SOX11: variants seen among roughly 807,000 people sequenced by gnomAD.
SOX11 encodes the protein transcription factor SOX-11.
In SOX11, 5 loss-of-function variants were observed where a neutral mutation model predicts 16.7. That is an observed-to-expected ratio of 0.30 (90% CI 0.16 to 0.63). The LOEUF is 0.63. Ranked by LOEUF, SOX11 falls within the 20% of genes least tolerant of loss-of-function variation. The pLI is 0.82. For missense variants in SOX11, 492 were observed against 641.5 expected, an observed-to-expected ratio of 0.77 and a Z score of 2.52; for synonymous variants, 363 against 298.8, an observed-to-expected ratio of 1.21 and a Z score of -2.22.
In SOX11 at chr2:5,693,240, C is replaced by A; in HGVS notation, c.519C>A (p.Pro173=). The A allele has an allele frequency of 7.2e-7, 1 of 1,385,064 alleles. No homozygotes were observed. The highest frequency in any genetic ancestry group is 3.8e-5 in the Admixed American group (1 of 26,662). The allele number at this position is 1,385,064 out of a possible 1,614,324, so 85.8% of individuals were successfully genotyped here. A position where few individuals can be genotyped will look rare whatever the true frequency, so the allele number is the denominator to read the frequency against. ...SSKKCGKLKA[P]AAAGAKAGAG... is the part of the protein sequence containing the mutation. ...AGAAATGCGGCAAGCTCAAGGCCCC[C>A]GCGGCCGCGGGCGCCAAGGCGGGCG... Residue 173 remains proline (P), a synonymous_variant, in exon 1 of 1, where the codon CCC becomes CCA. Transcript: ENST00000322002. This position sits in a 1 kb window ranked among gnomAD's most constrained non-coding sequence, Gnocchi z 8.6.
rs766171286 is a variant in SOX11 at position 5,693,717 on chromosome 2, G to T, written c.996G>T (p.Ser332=). Residue 332 remains serine, a synonymous_variant, in exon 1 of 1, where the codon TCG becomes TCT. Transcript: ENST00000322002. This position sits in a 1 kb window ranked among gnomAD's most constrained non-coding sequence, Gnocchi z 8.6. ...CGCCGCTCGCGCAGCCCGCGCTGTC[G>T]CCCGCGTCCTCGCGCTCGGTGTCCA... is the stretch of plus-strand genomic sequence containing the variant. ...HPPPLAQPAL[S]PASSRSVSTS... 9 of 1,599,112 alleles carry T rather than the reference G, an allele frequency of 5.6e-6. No individual in the cohort carries two copies. Among genetic ancestry groups the T allele is most frequent in the Non-Finnish European group, 6.8e-6 (8 of 1,176,890 alleles).
chr2:5,693,904 G>T lies in SOX11; in HGVS notation c.1183G>T (p.Val395Leu). 6.4e-7 allele frequency: 1 copy of T among 1,551,560 alleles called. No homozygotes were observed. Among genetic ancestry groups the T allele is most frequent in the Non-Finnish European group, 8.7e-7 (1 of 1,147,008 alleles). Residue 395 changes from valine (V) to leucine (L), a missense_variant, in exon 1 of 1, where the codon GTG (valine) becomes TTG (leucine). Transcript: ENST00000322002. This position sits in a 1 kb window ranked among gnomAD's most constrained non-coding sequence, Gnocchi z 8.6. ...AAAGNLSLSL[V>L]DKDLDSFSEG... is the part of the protein sequence containing the mutation. ...GGCCGGGAACCTGTCCCTGTCGCTG[G>T]TGGATAAGGATTTGGATTCGTTCAG...
chr2:5,693,106 T>G lies in SOX11; in HGVS notation c.385T>G (p.Ser129Ala). The change falls in exon 1 of 1, where the codon TCG becomes GCG. Residue 129 changes from serine (S) to alanine (A), a missense_variant. Physicochemically the swap from Ser to Ala is moderately conservative, Grantham distance 99 (BLOSUM62 1). This residue lies in a region of SOX11 where 389 missense variants were observed against 389.0 expected (regional missense o/e 1.00). Coordinates refer to ENST00000322002, the MANE Select transcript of SOX11 (RefSeq NM_003108.4). The surrounding 1 kb of genome is among the most constrained non-coding windows in gnomAD (Gnocchi z 8.6). ...CCGGAAAAAGCCCAAAATGGACCCC[T>G]CGGCCAAGCCCAGCGCCAGCCAGAG... ...RPRKKPKMDP[S>A]AKPSASQSPE... is the part of the protein sequence containing the mutation. 6.2e-7 allele frequency: 1 copy of G among 1,613,050 alleles called. No individual in the cohort carries two copies. Among genetic ancestry groups the G allele is most frequent in the East Asian group, 2.2e-5 (1 of 44,808 alleles).
At position 5,693,405 on chromosome 2, in the gene SOX11, C is replaced by G. The variant is rs764724459; in HGVS notation, c.684C>G (p.Asp228Glu). ...TGTTTCTGGATGAGGACGACGACGA[C>G]GACGACGACGACGACGAGCTGCAGC... is the stretch of plus-strand genomic sequence containing the variant. The part of the protein sequence containing the change: ...KCVFLDEDDD[D>E]DDDDDELQLQ... Residue 228 changes from aspartate (D) to glutamate (E), a missense_variant, in exon 1 of 1, where the codon GAC (aspartate) becomes GAG (glutamate). Coordinates refer to ENST00000322002, the MANE Select transcript of SOX11 (RefSeq NM_003108.4). This position sits in a 1 kb window ranked among gnomAD's most constrained non-coding sequence, Gnocchi z 8.6. 7 of 1,589,438 alleles carry G rather than the reference C, an allele frequency of 4.4e-6. No homozygotes were observed. The South Asian group carries it at 6.7e-5, about 15-fold the overall frequency.
In SOX11 at chr2:5,698,319, A is replaced by T. The variant is rs1264012000; in HGVS notation, c.*4272A>T. The T allele has an allele frequency of 6.0e-6, 1 of 167,036 alleles. No homozygotes were observed. Among genetic ancestry groups the T allele is most frequent in the African/African-American group, 2.4e-5 (1 of 41,432 alleles). 10.3% of individuals were successfully genotyped at this position (167,036 alleles called of 1,614,324 possible). A position where few individuals can be genotyped will look rare whatever the true frequency, so the allele number is the denominator to read the frequency against. On this transcript the variant is annotated 3_prime_UTR_variant, in exon 1 of 1. Transcript: ENST00000322002. The stretch of plus-strand genomic sequence containing the variant: ...TCTTAAGTAAGTCTTATTTTTAACT[A>T]AGCATTGACAGAATATCTTAAAATG...
Position 5,693,897 on chromosome 2 carries a change from G to A in SOX11, c.1176G>A (p.Leu392=), listed in dbSNP as rs1369221162. The A allele has an allele frequency of 7.7e-6, 12 of 1,551,432 alleles. No homozygotes were observed. The highest frequency in any genetic ancestry group is 8.7e-6 in the Non-Finnish European group (10 of 1,147,016). ...GCGCGGCGGCCGGGAACCTGTCCCT[G>A]TCGCTGGTGGATAAGGATTTGGATT... is the stretch of plus-strand genomic sequence containing the variant. ...GGGAAAGNLS[L]SLVDKDLDSF... is the part of the protein sequence containing the mutation. Residue 392 remains leucine (L), a synonymous_variant, in exon 1 of 1, where the codon CTG becomes CTA. Coordinates refer to ENST00000322002, the MANE Select transcript of SOX11 (RefSeq NM_003108.4). This position sits in a 1 kb window ranked among gnomAD's most constrained non-coding sequence, Gnocchi z 8.6.
In SOX11 at chr2:5,701,063, A is replaced by T. The variant is rs918001268; in HGVS notation, c.*7016A>T. 2 of 166,994 alleles carry T rather than the reference A, an allele frequency of 1.2e-5. No individual in the cohort carries two copies. The highest frequency in any genetic ancestry group is 4.8e-5 in the African/African-American group (2 of 41,438). The allele number at this position is 166,994 out of a possible 1,614,324, so 10.3% of individuals were successfully genotyped here. The stretch of plus-strand genomic sequence containing the variant: ...AGGGGGGAAAGAAAATGCATGGCAA[A>T]GTTTCGTCTTCTCGTAGACTATCTA... On this transcript the variant is annotated 3_prime_UTR_variant, in exon 1 of 1. Transcript: ENST00000322002.
chr2:5,693,885 G>C lies in SOX11; in HGVS notation c.1164G>C (p.Gly388=). Residue 388 remains glycine (G), a synonymous_variant, in exon 1 of 1, where the codon GGG becomes GGC. Coordinates refer to ENST00000322002, the MANE Select transcript of SOX11 (RefSeq NM_003108.4). This position sits in a 1 kb window ranked among gnomAD's most constrained non-coding sequence, Gnocchi z 8.6. ...AGCTGGGGGGCGGCGCGGCGGCCGG[G>C]AACCTGTCCCTGTCGCTGGTGGATA... The part of the protein sequence containing the change: ...EQQLGGGAAA[G]NLSLSLVDKD... 1 of 1,551,528 alleles carries C rather than the reference G, an allele frequency of 6.4e-7. No individual in the cohort carries two copies. The highest frequency in any genetic ancestry group is 1.7e-4 in the Middle Eastern group (1 of 5,992).
chr2:5,692,656 G>A lies in SOX11; in HGVS notation c.-66G>A. On this transcript the variant is annotated 5_prime_UTR_variant, in exon 1 of 1. Transcript: ENST00000322002. ...TGCCCAGGAAGGTGGAGGGGTGGGAGGGGGAGGGGGACCTCCGCACGAGAC... is the reference window on the plus strand; with the variant it reads ...TGCCCAGGAAGGTGGAGGGGTGGGAAGGGGAGGGGGACCTCCGCACGAGAC... 3 of 1,366,016 alleles carry A rather than the reference G, an allele frequency of 2.2e-6. No homozygotes were observed. The highest frequency in any genetic ancestry group is 3.0e-6 in the Non-Finnish European group (3 of 1,014,374). 84.6% of individuals were successfully genotyped at this position (1,366,016 alleles called of 1,614,324 possible).
Position 5,694,666 on chromosome 2 carries a change from A to ATTTTTTTTTTTT in SOX11, c.*640_*651dup, listed in dbSNP as rs5829022. 4.7e-5 allele frequency: 2 copies of ATTTTTTTTTTTT among 42,846 alleles called. No homozygotes were observed. The highest frequency in any genetic ancestry group is 4.7e-5 in the Non-Finnish European group (1 of 21,482). 2.7% of individuals were successfully genotyped at this position (42,846 alleles called of 1,614,324 possible). On this transcript the variant is annotated 3_prime_UTR_variant, in exon 1 of 1. Coordinates refer to ENST00000322002, the MANE Select transcript of SOX11 (RefSeq NM_003108.4). ...GACCATTGCAACTTTTGTTAATTTA[A>ATTTTTTTTTTTT]TTTTTTTTTTTTTTTTTTTTTTTTT...
In SOX11 at chr2:5,692,562, G is replaced by A; in HGVS notation, c.-160G>A. Reference sequence around the variant, plus strand: ...GCCGAAGCCACCACAGCCGCTGTGTGCAGCCTGGAAGGGGGGGCGGGGGGG... The same window carrying A: ...GCCGAAGCCACCACAGCCGCTGTGTACAGCCTGGAAGGGGGGGCGGGGGGG... On this transcript the variant is annotated 5_prime_UTR_variant, in exon 1 of 1. Coordinates refer to ENST00000322002, the MANE Select transcript of SOX11 (RefSeq NM_003108.4). 1 of 624,992 alleles carries A rather than the reference G, an allele frequency of 1.6e-6. No homozygotes were observed. The highest frequency in any genetic ancestry group is 2.6e-6 in the Non-Finnish European group (1 of 379,778). 38.7% of individuals were successfully genotyped at this position (624,992 alleles called of 1,614,324 possible). A position where few individuals can be genotyped will look rare whatever the true frequency, so the allele number is the denominator to read the frequency against.
chr2:5,695,613 TAATAAATCAGCTGGAACTGATAGA>T lies in SOX11; in HGVS notation c.*1569_*1592del. 1 of 162,682 alleles carries T rather than the reference TAATAAATCAGCTGGAACTGATAGA, an allele frequency of 6.1e-6. No homozygotes were observed. Among genetic ancestry groups the T allele is most frequent in the Non-Finnish European group, 1.5e-5 (1 of 67,480 alleles). 10.1% of individuals were successfully genotyped at this position (162,682 alleles called of 1,614,324 possible). ...CTGGAAGTCTGTATCTTGACAATTT[TAATAAATCAGCTGGAACTGATAGA>T]AACTCGCATCGCCAATAGTCTCTAT... On this transcript the variant is annotated 3_prime_UTR_variant, in exon 1 of 1. Transcript: ENST00000322002.
In SOX11 at chr2:5,697,098, G is replaced by A; in HGVS notation, c.*3051G>A. The A allele has an allele frequency of 6.3e-6, 1 of 160,000 alleles. No individual in the cohort carries two copies. The allele number at this position is 160,000 out of a possible 1,614,324, so 9.9% of individuals were successfully genotyped here. On this transcript the variant is annotated 3_prime_UTR_variant, in exon 1 of 1. Transcript: ENST00000322002. ...CCGGGCACGCGCGCCCCGGGCTCCC[G>A]CCCCCCTTCCGAGCATCCGCCGCCT...
rs1254962585 is a variant in SOX11 at position 5,697,766 on chromosome 2, G to A, written c.*3719G>A. ...TTGGTGGTACATTTATTTTAGCCAC[G>A]GATAATTGAACCAGCGGTTTACAAT... On this transcript the variant is annotated 3_prime_UTR_variant, in exon 1 of 1. Transcript: ENST00000322002. The A allele has an allele frequency of 1.2e-5, 2 of 167,074 alleles. No homozygotes were observed. Among genetic ancestry groups the A allele is most frequent in the Non-Finnish European group, 1.5e-5 (1 of 68,142 alleles). The allele number at this position is 167,074 out of a possible 1,614,324, so 10.3% of individuals were successfully genotyped here.
In SOX11 at chr2:5,693,650, G is replaced by A. The variant is rs775602980; in HGVS notation, c.929G>A (p.Arg310His). 1 of 1,592,030 alleles carries A rather than the reference G, an allele frequency of 6.3e-7. No individual in the cohort carries two copies. The highest frequency in any genetic ancestry group is 8.5e-7 in the Non-Finnish European group (1 of 1,175,894). Residue 310 changes from arginine to histidine, a missense_variant, in exon 1 of 1, where the codon CGC (arginine) becomes CAC (histidine). Transcript: ENST00000322002. The surrounding 1 kb of genome is among the most constrained non-coding windows in gnomAD (Gnocchi z 8.6). ...GATSGAGGGSRLYYSFKNITK... is the reference protein window; with the variant it reads ...GATSGAGGGSHLYYSFKNITK... ...ACCTCGGGCGCCGGGGGCGGCAGCC[G>A]CCTCTACTACAGCTTCAAGAACATC...
In SOX11 at chr2:5,701,115, G is replaced by A. The variant is rs975821310; in HGVS notation, c.*7068G>A. The A allele has an allele frequency of 6.0e-6, 1 of 166,904 alleles. No homozygotes were observed. The highest frequency in any genetic ancestry group is 1.5e-5 in the Non-Finnish European group (1 of 68,100). The allele number at this position is 166,904 out of a possible 1,614,324, so 10.3% of individuals were successfully genotyped here. On this transcript the variant is annotated 3_prime_UTR_variant, in exon 1 of 1. Coordinates refer to ENST00000322002, the MANE Select transcript of SOX11 (RefSeq NM_003108.4). ...CATGCAGAGTGTAGTGTGTTGAAACGGTGTATGACATTGCTGTATCAAAGT... is the reference window on the plus strand; with the variant it reads ...CATGCAGAGTGTAGTGTGTTGAAACAGTGTATGACATTGCTGTATCAAAGT...
rs1273614299 is a variant in SOX11 at position 5,700,043 on chromosome 2, G to A, written c.*5996G>A. 3 of 167,148 alleles carry A rather than the reference G, an allele frequency of 1.8e-5. No homozygotes were observed. Among genetic ancestry groups the A allele is most frequent in the South Asian group, 2.1e-4 (1 of 4,824 alleles). 10.4% of individuals were successfully genotyped at this position (167,148 alleles called of 1,614,324 possible). ...TATTCTTACAAGATCTAGCACCTCT[G>A]CCAGTGCACAGATAGGACTGTTTTA... On this transcript the variant is annotated 3_prime_UTR_variant, in exon 1 of 1. Coordinates refer to ENST00000322002, the MANE Select transcript of SOX11 (RefSeq NM_003108.4).
Position 5,695,771 on chromosome 2 carries a change from C to G in SOX11, c.*1724C>G, listed in dbSNP as rs1165879887. Reference sequence around the variant, plus strand: ...AGAATTCTACATTTAGGGGGTTAGGCTGAAAAGTGTTCAATTAGCAGGCTG... The same window carrying G: ...AGAATTCTACATTTAGGGGGTTAGGGTGAAAAGTGTTCAATTAGCAGGCTG... On this transcript the variant is annotated 3_prime_UTR_variant, in exon 1 of 1. Transcript: ENST00000322002. 1 of 167,242 alleles carries G rather than the reference C, an allele frequency of 6.0e-6. No homozygotes were observed. The highest frequency in any genetic ancestry group is 1.5e-5 in the Non-Finnish European group (1 of 68,154). 10.4% of individuals were successfully genotyped at this position (167,242 alleles called of 1,614,324 possible).
Position 5,694,044 on chromosome 2 carries a change from T to C in SOX11, c.1323T>C (p.Tyr441=), listed in dbSNP as rs1572217170. 6 of 1,547,888 alleles carry C rather than the reference T, an allele frequency of 3.9e-6. No individual in the cohort carries two copies. The highest frequency in any genetic ancestry group is 3.5e-6 in the Non-Finnish European group (4 of 1,145,038). ...ACTTCTCCGACCTGGTGTTCACATA[T>C]TGAAAGGCGCCCGCTGCTCGCTCTT... ...EANFSDLVFT[Y] Residue 441 remains tyrosine (Y), a synonymous_variant, in exon 1 of 1, where the codon TAT becomes TAC. Transcript: ENST00000322002.
Sources: allele counts gnomAD v4.1 joint callset, GRCh38; gene constraint gnomAD v4.1.1; regional missense constraint gnomAD v4.1.1; non-coding constraint Gnocchi (gnomAD v3.1); transcripts MANE v1.5; gene names NCBI Gene and HGNC (gene_info 2026-07-23, HGNC 2026-07-21).